The following FAM13A variants were observed in gnomAD, a reference collection of about 807,000 sequenced individuals.
FAM13A encodes the protein family with sequence similarity 13 member A.
A neutral mutation model predicts 129.6 loss-of-function variants in FAM13A; 76 were observed. That is an observed-to-expected ratio of 0.59 (90% CI 0.49 to 0.71). The LOEUF is 0.71. Among genes scored for constraint, FAM13A ranks in the 30% least tolerant of loss-of-function variants. The pLI, the probability that FAM13A is intolerant of heterozygous loss-of-function variation, is 0.00. For missense variants in FAM13A, 1,108 were observed against 1,249.3 expected, an observed-to-expected ratio of 0.89 and a Z score of 1.70; for synonymous variants, 443 against 449.9, an observed-to-expected ratio of 0.98 and a Z score of 0.20.
intron 1 of FAM13A, among the ~76,000 whole-genome samples, chr4:89,053,453 T>C (rs1039004143): frequency 1.3e-5 from 2 of 152,174 alleles, no homozygotes; most frequent in Non-Finnish European, 2.9e-5. Flanking sequence ...GTGATTTAAG[T>C]TGATTCAATA....
At chr4:88,812,870 A>G (rs1394520780) in intron 7 of FAM13A, among the ~76,000 whole-genome samples, 3 of 152,180 alleles carry the variant, frequency 2.0e-5, no homozygotes, top group African/African-American at 7.2e-5. Context: ...GTTTGATTAA[A>G]TATTTTGAAA....
intron 4 of FAM13A, among the ~76,000 whole-genome samples, chr4:88,945,990 G>GTGTGTATATATATATATATATATATA: frequency 1.8e-4 from 11 of 61,914 alleles, no homozygotes; most frequent in Non-Finnish European, 1.7e-4. Flanking sequence ...GTGTGTGTGT[G>GTGTGTATATATATATATATATATATA]TATATATATA....
chr4:88,790,583 T>TAA lies in FAM13A; in HGVS notation c.1091+2_1091+3insTT. On this transcript the variant is annotated splice_region_variant and intron_variant, in intron 9 of 23. Transcript: ENST00000264344. ...GCCCAAAAACCCAACCCAAATAACT[T>TAA]ACTCTCCGGTTGCAGACACATTGCT... 6.4e-7 allele frequency: 1 copy of TAA among 1,569,480 alleles called. No individual in the cohort carries two copies. Among genetic ancestry groups the TAA allele is most frequent in the Non-Finnish European group, 8.7e-7 (1 of 1,154,328 alleles).
chr4:88,789,719 G>C (rs993055647), intron 9 of FAM13A, among the ~76,000 whole-genome samples: 2 of 152,168 alleles, frequency 1.3e-5, no homozygotes, highest in African/African-American at 4.8e-5. Context: ...ATTTCCAATA[G>C]TAATAAGTTC....
In FAM13A at chr4:88,852,041, C is replaced by T. The variant is rs1365476260; in HGVS notation, c.844-858G>A. Among the ~76,000 whole-genome samples the T allele has an allele frequency of 2.6e-5, 4 of 152,268 alleles. No homozygotes were observed. The East Asian group carries it at 7.7e-4, about 29-fold the overall frequency. ...CTCTAGGATTTTTCCCATGCTTGTC[C>T]TTACATCTGGAATGTCATGTGCTCA... On this transcript the variant is annotated intron_variant, in intron 6 of 23. Transcript: ENST00000264344.
chr4:88,758,582 A>G (rs952355093), intron 14 of FAM13A, among the ~76,000 whole-genome samples, 172 bp downstream of exon 14: 3 of 152,066 alleles, frequency 2.0e-5, no homozygotes, highest in African/African-American at 4.8e-5. Flanking sequence ...AGCAACATTT[A>G]CCCTGAGGTA....
intron 7 of FAM13A, among the ~76,000 whole-genome samples, chr4:88,809,934 G>T (rs989188839): frequency 2.7e-5 from 4 of 150,666 alleles, no homozygotes; most frequent in African/African-American, 9.8e-5. Context: ...GTTTGCAGCT[G>T]TAATTTGTTG....
At chr4:88,844,450 C>T (rs991242382) in intron 7 of FAM13A, among the ~76,000 whole-genome samples, 1 of 152,062 alleles carries the variant, frequency 6.6e-6, no homozygotes, top group East Asian at 1.9e-4. Context: ...GCAGATCTGA[C>T]ATTATTATTA....
At chr4:88,803,554 T>TGA (rs1727957574) in intron 8 of FAM13A, among the ~76,000 whole-genome samples, 1 of 151,652 alleles carries the variant, frequency 6.6e-6, no homozygotes, top group African/African-American at 2.4e-5. Flanking sequence ...TAAACATTTG[T>TGA]TATTACTGTG....
chr4:89,054,013 C>G (rs1051723024), intron 1 of FAM13A, among the ~76,000 whole-genome samples: 1 of 152,158 alleles, frequency 6.6e-6, no homozygotes, highest in African/African-American at 2.4e-5. Flanking sequence ...ATTCCCTACA[C>G]CACCTCAGAA....
intron 11 of FAM13A, among the ~76,000 whole-genome samples, chr4:88,777,101 C>T (rs1043893858): frequency 2.0e-5 from 3 of 148,318 alleles, no homozygotes; most frequent in Non-Finnish European, 4.5e-5. Context: ...TAAACTCTGC[C>T]CTAGAGTGGA....
At chr4:88,977,922 T>C (rs1761126303) in intron 4 of FAM13A, among the ~76,000 whole-genome samples, 2 of 152,154 alleles carry the variant, frequency 1.3e-5, no homozygotes, top group African/African-American at 2.4e-5. Context: ...ATGTATAATA[T>C]CATCTCCAAT....
intron 6 of FAM13A, among the ~76,000 whole-genome samples, chr4:88,872,934 A>C (rs1487940294): frequency 6.6e-6 from 1 of 152,198 alleles, no homozygotes; most frequent in East Asian, 1.9e-4. Flanking sequence ...ATTATAACAA[A>C]CTGTCTCTCA....
intron 3 of FAM13A, among the ~76,000 whole-genome samples, chr4:88,999,390 G>A (rs1763960429): frequency 6.6e-6 from 1 of 152,162 alleles, no homozygotes; most frequent in African/African-American, 2.4e-5. Context: ...ATTTGTATGA[G>A]AATTTATGTA....
At chr4:88,846,954 G>A (rs192809413) in intron 7 of FAM13A, among the ~76,000 whole-genome samples, 5 of 152,174 alleles carry the variant, frequency 3.3e-5, no homozygotes, top group South Asian at 2.1e-4. Context: ...ATATGATTAC[G>A]TTATGTTACA....
At chr4:88,752,828 G>A (rs1276919355) in intron 14 of FAM13A, among the ~76,000 whole-genome samples, 1 of 152,186 alleles carries the variant, frequency 6.6e-6, no homozygotes, top group African/African-American at 2.4e-5. Context: ...TGCATCTTCT[G>A]TCATGATATT....
At chr4:88,878,196 G>A (rs1351212525) in intron 6 of FAM13A, among the ~76,000 whole-genome samples, 6 of 148,652 alleles carry the variant, frequency 4.0e-5, no homozygotes, top group Admixed American at 2.1e-4. Context: ...GCTGAGGCAG[G>A]AGAATGGTGT....
At chr4:88,987,527 A>T (rs1406709937) in intron 4 of FAM13A, among the ~76,000 whole-genome samples, 1 of 152,154 alleles carries the variant, frequency 6.6e-6, no homozygotes, top group African/African-American at 2.4e-5. Context: ...AACATTAAGG[A>T]TACAATATCA....
At chr4:88,830,796 C>A (rs1377184428) in intron 7 of FAM13A, among the ~76,000 whole-genome samples, 1 of 152,134 alleles carries the variant, frequency 6.6e-6, no homozygotes, top group Admixed American at 6.5e-5. Context: ...GGTTTAAAGG[C>A]CTCCACAGCT....
Sources: gnomAD v4.1 joint callset for allele counts (sites outside exome capture counted in the v4.1 genomes callset) on GRCh38, gnomAD v4.1.1 for gene constraint, MANE v1.5 for transcripts, NCBI Gene and HGNC (gene_info 2026-07-23, HGNC 2026-07-21) for gene names.